The following IL1RAPL1 variants were observed in gnomAD, a reference collection of about 807,000 sequenced individuals.
The protein encoded by IL1RAPL1 is interleukin 1 receptor accessory protein like 1, also known as interleukin-1 receptor accessory protein-like 1.
Under a neutral mutation model 48.4 loss-of-function variants are expected in IL1RAPL1, and 3 were observed. That is an observed-to-expected ratio of 0.06 (90% CI 0.03 to 0.16). The LOEUF is 0.16. Among genes scored for constraint, IL1RAPL1 ranks in the 10% least tolerant of loss-of-function variants. The probability of loss-of-function intolerance (pLI) is 1.00; values close to 1 mark genes in which losing one functional copy is unlikely to be tolerated. For missense variants in IL1RAPL1, 349 were observed against 530.6 expected (o/e 0.66, Z 3.36); for synonymous variants, 185 against 187.7 (o/e 0.99, Z 0.12).
intron 5 of IL1RAPL1, among the ~76,000 whole-genome samples, chrX:29,515,939 G>A (rs1017111197): frequency 1.8e-5 from 2 of 111,664 alleles, no homozygotes; most frequent in South Asian, 3.8e-4. Flanking sequence ...GCCCACCTTG[G>A]CCTCGCAAAG....
chrX:29,925,018 G>A (rs773658334), intron 8 of IL1RAPL1, among the ~76,000 whole-genome samples: 32 of 111,467 alleles, frequency 2.9e-4, no homozygotes, highest in Non-Finnish European at 5.8e-4. Context: ...TGTAATATGT[G>A]CCCCATCCTT....
At chrX:28,994,475 C>T (rs905281315) in intron 2 of IL1RAPL1, among the ~76,000 whole-genome samples, 3 of 111,362 alleles carry the variant, frequency 2.7e-5, no homozygotes, top group African/African-American at 9.8e-5. Context: ...TCATTTTGGA[C>T]CTGATAAATT....
chrX:28,653,474 CA>C (rs56944561), intron 1 of IL1RAPL1, among the ~76,000 whole-genome samples: 10,754 of 99,582 alleles, frequency 0.11, 606 homozygotes, highest in African/African-American at 0.22. Context: ...GACTGGGTCT[CA>C]AAAAAAAAAA....
Position 29,810,425 on chromosome X carries a change from G to A in IL1RAPL1, c.779-107039G>A, listed in dbSNP as rs973993339. ...AGGCTGGTCTCGAACTCCTGACCTC[G>A]TGATCCATCACCTCGGCCTCCCAAA... On this transcript the variant is annotated intron_variant, in intron 6 of 10. Coordinates refer to ENST00000378993, the MANE Select transcript of IL1RAPL1 (RefSeq NM_014271.4). Among the ~76,000 whole-genome samples, 7 of 110,645 alleles carry A rather than the reference G, an allele frequency of 6.3e-5. No homozygotes were observed. In the Admixed American group the frequency reaches 6.8e-4, roughly 11 times the overall value.
chrX:29,350,173 G>A (rs1475071110), intron 3 of IL1RAPL1, among the ~76,000 whole-genome samples: 3 of 65,571 alleles, frequency 4.6e-5, no homozygotes, highest in African/African-American at 1.6e-4. Flanking sequence ...CCCCTCCCTT[G>A]GTCTACATAC....
chrX:29,146,994 G>C (rs1045112305), intron 2 of IL1RAPL1, among the ~76,000 whole-genome samples: 2 of 112,067 alleles, frequency 1.8e-5, no homozygotes, highest in Non-Finnish European at 3.8e-5. Context: ...AATAAACTCA[G>C]ATTTCTATTT....
At chrX:28,684,998 G>A in intron 1 of IL1RAPL1, among the ~76,000 whole-genome samples, 1 of 111,839 alleles carries the variant, frequency 8.9e-6, no homozygotes, top group East Asian at 2.8e-4. Flanking sequence ...TAAAACCACA[G>A]ATAATGGCAG....
chrX:29,238,910 C>G (rs1179059830), intron 2 of IL1RAPL1, among the ~76,000 whole-genome samples: 1 of 111,778 alleles, frequency 8.9e-6, no homozygotes. Context: ...TGGCCTAGAA[C>G]TTTATTTTCA....
chrX:29,228,699 G>T (rs1931137827), intron 2 of IL1RAPL1, among the ~76,000 whole-genome samples: 1 of 111,581 alleles, frequency 9.0e-6, no homozygotes, highest in Non-Finnish European at 1.9e-5. Flanking sequence ...TTAATCTATA[G>T]GTTTCTTCCT....
At position 28,903,453 on chromosome X, in the gene IL1RAPL1, G is replaced by T. The variant is rs189245798; in HGVS notation, c.82+114028G>T. Among the ~76,000 whole-genome samples the T allele has an allele frequency of 2.2e-3, 231 of 103,549 alleles. 1 individual carries two copies. The highest frequency in any genetic ancestry group is 8.0e-3 in the African/African-American group (221 of 27,774). The allele number at this position is 103,549 out of a possible 115,157, so 89.9% of individuals were successfully genotyped here. On this transcript the variant is annotated intron_variant, in intron 2 of 10. Transcript: ENST00000378993. ...TTTTTTTTTTTTTGTTTTGATCACA[G>T]GCATGAGCCACCATGCCCGGCCCAG...
chrX:28,910,773 T>TA lies in IL1RAPL1; in HGVS notation c.82+121359dup, dbSNP rs1215950499. 7.4e-3 allele frequency among the ~76,000 whole-genome samples: 756 copies of TA among 102,327 alleles called. 7 individuals carry two copies. The highest frequency in any genetic ancestry group is 0.021 in the African/African-American group (590 of 28,626). 88.9% of individuals were successfully genotyped at this position (102,327 alleles called of 115,157 possible). A position where few individuals can be genotyped will look rare whatever the true frequency, so the allele number is the denominator to read the frequency against. On this transcript the variant is annotated intron_variant, in intron 2 of 10. Transcript: ENST00000378993. ...GTTAATAGATTTAGAGTAGCTGCATTAAAAAAAAAAACACGTGAGGTCTTT... is the reference window on the plus strand; with the variant it reads ...GTTAATAGATTTAGAGTAGCTGCATTAAAAAAAAAAAACACGTGAGGTCTTT...
At chrX:29,081,302 C>T (rs1196184237) in intron 2 of IL1RAPL1, among the ~76,000 whole-genome samples, 2 of 108,415 alleles carry the variant, frequency 1.8e-5, no homozygotes, top group Non-Finnish European at 3.8e-5. Context: ...GTGATCCACC[C>T]GCCTCGGCCC....
chrX:29,584,897 A>G (rs1923106430), intron 5 of IL1RAPL1, among the ~76,000 whole-genome samples: 1 of 112,066 alleles, frequency 8.9e-6, no homozygotes, highest in South Asian at 3.7e-4. Flanking sequence ...ACAGCTGATC[A>G]ATCTGTTCTC....
chrX:29,667,832 TA>T (rs1268205056), intron 5 of IL1RAPL1, among the ~76,000 whole-genome samples: 1 of 112,159 alleles, frequency 8.9e-6, no homozygotes, highest in Non-Finnish European at 1.9e-5. Flanking sequence ...GAGTTTAGAC[TA>T]AATGGAAAAT....
chrX:28,963,363 A>G (rs1924836605), intron 2 of IL1RAPL1, among the ~76,000 whole-genome samples: 1 of 111,096 alleles, frequency 9.0e-6, no homozygotes, highest in Non-Finnish European at 1.9e-5. Flanking sequence ...GATGATCTCT[A>G]TTTTACATTA....
intron 5 of IL1RAPL1, among the ~76,000 whole-genome samples, chrX:29,641,633 C>T (rs766419254): frequency 6.5e-4 from 73 of 112,183 alleles, no homozygotes; most frequent in African/African-American, 2.2e-3. Context: ...GGCTTTGTTT[C>T]GTTCACTGCC....
intron 5 of IL1RAPL1, among the ~76,000 whole-genome samples, chrX:29,464,566 A>T (rs1934840767): frequency 8.9e-6 from 1 of 112,293 alleles, no homozygotes; most frequent in African/African-American, 3.2e-5. Context: ...TTTAGTTAGA[A>T]TGTAAAAGTA....
intron 6 of IL1RAPL1, among the ~76,000 whole-genome samples, chrX:29,691,652 C>T (rs932789322): frequency 2.8e-5 from 3 of 106,750 alleles, no homozygotes; most frequent in African/African-American, 1.0e-4. Flanking sequence ...GAATTCAATA[C>T]ATTCAATTTT....
chrX:29,814,723 T>G (rs1930455395), intron 6 of IL1RAPL1, among the ~76,000 whole-genome samples: 1 of 112,391 alleles, frequency 8.9e-6, no homozygotes, highest in Non-Finnish European at 1.9e-5. Context: ...AACTTACATT[T>G]AAATATTTAA....
Sources: gnomAD v4.1 joint callset for allele counts (sites outside exome capture counted in the v4.1 genomes callset) on GRCh38, gnomAD v4.1.1 for gene constraint, MANE v1.5 for transcripts, NCBI Gene and HGNC (gene_info 2026-07-23, HGNC 2026-07-21) for gene names.